TCF12: variants seen among roughly 807,000 people sequenced by gnomAD.
TCF12 encodes transcription factor 12.
TCF12 carries 45 observed loss-of-function variants against 86.0 expected under a neutral mutation model. The ratio of observed to expected loss-of-function variants is 0.52; its 90% CI spans 0.41 to 0.67. The LOEUF (loss-of-function observed/expected upper bound fraction) is 0.67. Ranked by LOEUF, TCF12 falls within the 30% of genes least tolerant of loss-of-function variation. The pLI, the probability that TCF12 is intolerant of heterozygous loss-of-function variation, is 0.00. For synonymous variants in TCF12, 330 were observed against 299.6 expected (o/e 1.10, Z -1.05); for missense variants, 881 against 859.9 (o/e 1.02, Z -0.31).
At position 57,158,184 on chromosome 15, in the gene TCF12, G is replaced by GTTTTTTTTTTTTTT. The variant is rs374179677; in HGVS notation, c.326-8215_326-8214insTTTTTTTTTTTTTT. ...ACAGATGTTAAAGTCTCAGAAAGTCGTTTCTTTTTTTTTTTTTTCTTTGAG... is the reference window on the plus strand; with the variant it reads ...ACAGATGTTAAAGTCTCAGAAAGTCGTTTTTTTTTTTTTTTTTCTTTTTTTTTTTTTTCTTTGAG... On this transcript the variant is annotated intron_variant, in intron 5 of 20. Coordinates refer to ENST00000333725, the MANE Select transcript of TCF12 (RefSeq NM_207037.2). Among the ~76,000 whole-genome samples, 11 of 134,086 alleles carry GTTTTTTTTTTTTTT rather than the reference G, an allele frequency of 8.2e-5. 4 individuals are homozygous for GTTTTTTTTTTTTTT. The highest frequency in any genetic ancestry group is 8.0e-5 in the Non-Finnish European group (5 of 62,334). 88.0% of individuals were successfully genotyped at this position (134,086 alleles called of 152,430 possible).
chr15:56,953,613 C>T (rs564953710), intron 3 of TCF12, among the ~76,000 whole-genome samples: 3 of 152,116 alleles, frequency 2.0e-5, no homozygotes, highest in Non-Finnish European at 2.9e-5. Flanking sequence ...TCCAGAGCCA[C>T]GTTCTTTAGA....
intron 18 of TCF12, among the ~76,000 whole-genome samples, chr15:57,272,303 C>G (rs1469217957): frequency 6.6e-6 from 1 of 152,160 alleles, no homozygotes. Context: ...AATTGCTGAT[C>G]AAGAGGTAAT....
intron 5 of TCF12, among the ~76,000 whole-genome samples, chr15:57,164,289 C>G (rs2054707905): frequency 6.6e-6 from 1 of 152,120 alleles, no homozygotes; most frequent in Non-Finnish European, 1.5e-5. Flanking sequence ...TTAGTTCGTT[C>G]TCACGCTGCT....
At chr15:57,208,033 C>CTTTTT (rs201258233) in intron 8 of TCF12, among the ~76,000 whole-genome samples, 2 of 137,108 alleles carry the variant, frequency 1.5e-5, no homozygotes, top group African/African-American at 5.5e-5. Context: ...CTTCAAGATT[C>CTTTTT]TTTTTTTTTT....
At chr15:57,137,373 T>A (rs1478436041) in intron 5 of TCF12, among the ~76,000 whole-genome samples, 2 of 152,246 alleles carry the variant, frequency 1.3e-5, no homozygotes. Flanking sequence ...TTACAAAGGA[T>A]GTATTAATGA....
At chr15:57,119,200 C>G (rs1249399690) in intron 5 of TCF12, among the ~76,000 whole-genome samples, 1 of 152,132 alleles carries the variant, frequency 6.6e-6, no homozygotes. Context: ...TCAAGTGATT[C>G]TCCTGCCTCA....
intron 6 of TCF12, among the ~76,000 whole-genome samples, chr15:57,179,819 AT>A (rs2056211054): frequency 6.6e-6 from 1 of 151,896 alleles, no homozygotes. Flanking sequence ...CCAAATTAAT[AT>A]ATTGTCCAAA....
chr15:56,922,706 T>A (rs1260911609), intron 3 of TCF12, among the ~76,000 whole-genome samples: 1 of 152,028 alleles, frequency 6.6e-6, no homozygotes, highest in Non-Finnish European at 1.5e-5. Context: ...TTAGCAATAT[T>A]TATCTGTGTG....
chr15:57,219,697 G>T, intron 8 of TCF12: 1 of 853,942 alleles, frequency 1.2e-6, no homozygotes, highest in Non-Finnish European at 1.8e-6. Flanking sequence ...ATCCTTTTAT[G>T]CAATGTATTA....
chr15:57,133,664 G>C (rs2151363247), intron 5 of TCF12, among the ~76,000 whole-genome samples: 1 of 151,394 alleles, frequency 6.6e-6, no homozygotes, highest in South Asian at 2.1e-4. Context: ...GCAAGTGCTG[G>C]CTGAATAGTT....
At chr15:57,090,524 C>T (rs2048927150) in intron 4 of TCF12, among the ~76,000 whole-genome samples, 1 of 152,236 alleles carries the variant, frequency 6.6e-6, no homozygotes, top group African/African-American at 2.4e-5. Flanking sequence ...TGACATGCAT[C>T]TATAAACAAT....
intron 5 of TCF12, among the ~76,000 whole-genome samples, chr15:57,099,901 A>T (rs551951236): frequency 1.2e-4 from 18 of 151,198 alleles, no homozygotes; most frequent in Non-Finnish European, 2.1e-4. Context: ...GGTCTAATGG[A>T]TTTTTTGGTG....
chr15:57,222,758 A>ATTTT (rs57645813), intron 8 of TCF12, among the ~76,000 whole-genome samples: 17 of 45,530 alleles, frequency 3.7e-4, no homozygotes, highest in African/African-American at 8.0e-4. Context: ...AAGGACTGCC[A>ATTTT]TTTTTTTTTT....
At chr15:57,248,645 C>G (rs2059970813) in intron 13 of TCF12, among the ~76,000 whole-genome samples, 1 of 152,166 alleles carries the variant, frequency 6.6e-6, no homozygotes, top group Admixed American at 6.5e-5. Context: ...GTCAGATTGC[C>G]TGGTGTTAAG....
chr15:57,288,800 C>G lies in TCF12; in HGVS notation c.*2655C>G, dbSNP rs1292273191. On this transcript the variant is annotated 3_prime_UTR_variant, in exon 21 of 21. Coordinates refer to ENST00000333725, the MANE Select transcript of TCF12 (RefSeq NM_207037.2). Reference sequence around the variant, plus strand: ...ACAGCAACTAGTAGTTATAGAAAATCTACTCATTTGTAGATACAGAGAAAA... The same window carrying G: ...ACAGCAACTAGTAGTTATAGAAAATGTACTCATTTGTAGATACAGAGAAAA... The G allele has an allele frequency of 6.6e-6, 1 of 152,124 alleles. No homozygotes were observed. The highest frequency in any genetic ancestry group is 1.5e-5 in the Non-Finnish European group (1 of 68,026). The allele number at this position is 152,124 out of a possible 1,614,324, so 9.4% of individuals were successfully genotyped here.
At chr15:57,056,429 A>G (rs1020283078) in intron 3 of TCF12, among the ~76,000 whole-genome samples, 15 of 152,078 alleles carry the variant, frequency 9.9e-5, no homozygotes, top group Non-Finnish European at 1.5e-4. Context: ...GGCTTGAGCC[A>G]CTGCACCCAG....
chr15:57,093,175 G>GAGGAA (rs1248871747), intron 5 of TCF12, among the ~76,000 whole-genome samples: 55 of 152,148 alleles, frequency 3.6e-4, no homozygotes, highest in African/African-American at 1.2e-3. Context: ...TATCATTCCA[G>GAGGAA]ATAAAAAAAT....
At chr15:57,221,973 C>T (rs530664761) in intron 8 of TCF12, among the ~76,000 whole-genome samples, 2 of 152,040 alleles carry the variant, frequency 1.3e-5, no homozygotes, top group East Asian at 3.9e-4. Context: ...TTTCTAGACT[C>T]TTAAGTGAAA....
At chr15:56,986,229 T>C (rs2063171737) in intron 3 of TCF12, among the ~76,000 whole-genome samples, 1 of 152,184 alleles carries the variant, frequency 6.6e-6, no homozygotes, top group African/African-American at 2.4e-5. Context: ...TGTTTAACAT[T>C]ATAAATAAAT....
Sources: allele counts gnomAD v4.1 joint callset (sites outside exome capture counted in the v4.1 genomes callset), GRCh38; gene constraint gnomAD v4.1.1; transcripts MANE v1.5; gene names NCBI Gene and HGNC (gene_info 2026-07-23, HGNC 2026-07-21).